MS4A4A: variants seen among roughly 807,000 people sequenced by gnomAD.
MS4A4A encodes membrane spanning 4-domains A4A, also known as membrane-spanning 4-domains subfamily A member 4A.
MS4A4A carries 26 observed loss-of-function variants against 28.0 expected under a neutral mutation model. The observed-to-expected ratio is 0.93, with a 90% CI of 0.68 to 1.29. The LOEUF (loss-of-function observed/expected upper bound fraction) is 1.29, where lower values mean the gene tolerates loss of function less well. Among genes scored for constraint, MS4A4A ranks in the 50% most tolerant of loss-of-function variants. MS4A4A has a pLI of 0.00. For missense variants in MS4A4A, 290 were observed against 293.1 expected (o/e 0.99, Z 0.08); for synonymous variants, 86 against 100.8 (o/e 0.85, Z 0.88).
chr11:60,284,425 A>G (rs1272132460), intron 1 of MS4A4A, among the ~76,000 whole-genome samples: 1 of 152,220 alleles, frequency 6.6e-6, no homozygotes, highest in African/African-American at 2.4e-5. Flanking sequence ...TACTCCTGTC[A>G]TGACCCTGCT....
chr11:60,289,654 T>C (rs760227676), intron 1 of MS4A4A, among the ~76,000 whole-genome samples: 18 of 151,412 alleles, frequency 1.2e-4, no homozygotes, highest in Admixed American at 6.6e-5. Context: ...GAACTTCTCG[T>C]TGGCCTTCTT....
chr11:60,294,925 T>A (rs905677660), intron 2 of MS4A4A, among the ~76,000 whole-genome samples: 21 of 151,070 alleles, frequency 1.4e-4, no homozygotes, highest in East Asian at 5.8e-4. Flanking sequence ...TTCTTCTTCT[T>A]CTTCTTCTTC....
chr11:60,305,112 G>T (rs2084986460), intron 5 of MS4A4A, among the ~76,000 whole-genome samples: 2 of 152,166 alleles, frequency 1.3e-5, no homozygotes, highest in Admixed American at 6.5e-5. Flanking sequence ...CAATCCGGGG[G>T]AAAATTAATA....
intron 2 of MS4A4A, among the ~76,000 whole-genome samples, chr11:60,294,889 A>ACTT (rs1238058277): frequency 6.3e-4 from 19 of 29,972 alleles, no homozygotes; most frequent in African/African-American, 1.2e-3. Flanking sequence ...TCCTACAACT[A>ACTT]CTACTTCTTC....
chr11:60,302,747 A>G (rs764386563), intron 5 of MS4A4A, 30 bp downstream of exon 5: 1 of 1,598,954 alleles, frequency 6.3e-7, no homozygotes, highest in East Asian at 2.2e-5. Flanking sequence ...AGGGGATATT[A>G]TTATAGAAGC....
intron 1 of MS4A4A, among the ~76,000 whole-genome samples, chr11:60,289,662 C>T (rs1475416632): frequency 1.3e-5 from 2 of 150,762 alleles, no homozygotes; most frequent in Admixed American, 6.6e-5. Flanking sequence ...CGTTGGCCTT[C>T]TTGGTGACAT....
Position 60,280,684 on chromosome 11 carries a change from G to A in MS4A4A, c.9G>A (p.Gln3=), listed in dbSNP as rs944001506. Residue 3 remains glutamine (Q), a synonymous_variant, in exon 1 of 7, where the codon CAG becomes CAA. Coordinates refer to ENST00000337908, the MANE Select transcript of MS4A4A (RefSeq NM_148975.3). MH[Q]TYSRHCRPEE... ...CTTGCCCAGAGCCCTGCATGCATCAGACCTACAGCAGACATTGCAGGCCTG... is the reference window on the plus strand; with the variant it reads ...CTTGCCCAGAGCCCTGCATGCATCAAACCTACAGCAGACATTGCAGGCCTG... 5 of 1,613,702 alleles carry A rather than the reference G, an allele frequency of 3.1e-6. No homozygotes were observed. The highest frequency in any genetic ancestry group is 4.2e-6 in the Non-Finnish European group (5 of 1,179,746).
rs530320882 is a variant in MS4A4A at position 60,307,280 on chromosome 11, G to T, written c.649-827G>T. Among the ~76,000 whole-genome samples, 8 of 152,262 alleles carry T rather than the reference G, an allele frequency of 5.3e-5. No homozygotes were observed. In the South Asian group the frequency reaches 1.7e-3, roughly 32 times the overall value. On this transcript the variant is annotated intron_variant, in intron 6 of 6. Transcript: ENST00000337908. ...AGGCCTTCCTCACAGAAGAGTGGGGGTTCCACATCCCACTCCCCCACAGCC... is the reference window on the plus strand; with the variant it reads ...AGGCCTTCCTCACAGAAGAGTGGGGTTTCCACATCCCACTCCCCCACAGCC...
At chr11:60,298,855 C>A (rs1392740054) in intron 3 of MS4A4A, among the ~76,000 whole-genome samples, 4 of 152,180 alleles carry the variant, frequency 2.6e-5, no homozygotes, top group Non-Finnish European at 5.9e-5. Context: ...CTCTTTTCTG[C>A]GGCTACCTTC....
intron 3 of MS4A4A, 65 bp from the exon 4 acceptor site, chr11:60,300,936 T>C: frequency 8.6e-7 from 1 of 1,166,452 alleles, no homozygotes; most frequent in South Asian, 1.4e-5. Context: ...GAATTAAGTT[T>C]AGTAAGTTAT....
intron 5 of MS4A4A, among the ~76,000 whole-genome samples, chr11:60,305,012 T>C (rs2084985435): frequency 6.6e-6 from 1 of 152,240 alleles, no homozygotes; most frequent in South Asian, 2.1e-4. Context: ...TATCCTGAGC[T>C]CTTGGTCTAT....
At position 60,306,705 on chromosome 11, in the gene MS4A4A, C is replaced by T. The variant is rs113526365; in HGVS notation, c.648+504C>T. 1.2e-4 allele frequency among the ~76,000 whole-genome samples: 19 copies of T among 152,310 alleles called. 1 individual carries two copies. Among genetic ancestry groups the T allele is most frequent in the African/African-American group, 4.3e-4 (18 of 41,556 alleles). ...AGTGAGTGTCACCTTAGAACTCTGC[C>T]TCGCACAGTAGCTACATAAAAGCTC... On this transcript the variant is annotated intron_variant, in intron 6 of 6. Transcript: ENST00000337908.
chr11:60,298,104 T>G (rs1268774875), intron 3 of MS4A4A, among the ~76,000 whole-genome samples: 1 of 151,506 alleles, frequency 6.6e-6, no homozygotes, highest in African/African-American at 2.4e-5. Flanking sequence ...GAATTTAAAT[T>G]TAAAAACCTT....
intron 1 of MS4A4A, among the ~76,000 whole-genome samples, chr11:60,285,052 G>T (rs1036074886): frequency 1.8e-4 from 28 of 151,718 alleles, no homozygotes; most frequent in African/African-American, 6.5e-4. Context: ...GGTGTTACAG[G>T]AAAAGTATGT....
chr11:60,307,424 A>T (rs2085013128), intron 6 of MS4A4A, among the ~76,000 whole-genome samples: 1 of 152,226 alleles, frequency 6.6e-6, no homozygotes, highest in South Asian at 2.1e-4. Flanking sequence ...AATTTCATTG[A>T]GTAAAGCTTT....
intron 1 of MS4A4A, among the ~76,000 whole-genome samples, chr11:60,286,582 T>C (rs985314560): frequency 1.3e-5 from 2 of 152,252 alleles, no homozygotes; most frequent in African/African-American, 2.4e-5. Flanking sequence ...AGTAGTTTGT[T>C]ATTAATGACT....
intron 1 of MS4A4A, 101 bp downstream of exon 1, chr11:60,280,817 C>A: frequency 7.2e-7 from 1 of 1,386,954 alleles, no homozygotes; most frequent in Non-Finnish European, 1.0e-6. Flanking sequence ...ATAATGAGGC[C>A]ACTTCCCATG....
chr11:60,305,896 A>T, intron 5 of MS4A4A: 1 of 567,110 alleles, frequency 1.8e-6, no homozygotes. Flanking sequence ...CTAGGGAATA[A>T]ATGTCTGTGA....
intron 5 of MS4A4A, among the ~76,000 whole-genome samples, chr11:60,304,724 C>T (rs2084982666): frequency 6.6e-6 from 1 of 152,242 alleles, no homozygotes; most frequent in African/African-American, 2.4e-5. Flanking sequence ...CGTGTTATAA[C>T]AGCAGGTTTG....
Sources: gnomAD v4.1 joint callset for allele counts (sites outside exome capture counted in the v4.1 genomes callset) on GRCh38, gnomAD v4.1.1 for gene constraint, MANE v1.5 for transcripts, NCBI Gene and HGNC (gene_info 2026-07-23, HGNC 2026-07-21) for gene names.